The following TCOF1 variants were observed in gnomAD, a reference collection of about 807,000 sequenced individuals.
The protein encoded by TCOF1 is treacle protein.
In TCOF1, 33 loss-of-function variants were observed where a neutral mutation model predicts 149.0. That is an observed-to-expected ratio of 0.22 (90% CI 0.17 to 0.30). TCOF1 has a LOEUF of 0.30. Ranked by LOEUF, TCOF1 falls within the 10% of genes least tolerant of loss-of-function variation. The probability of loss-of-function intolerance (pLI) is 1.00; values close to 1 mark genes in which losing one functional copy is unlikely to be tolerated. For synonymous variants in TCOF1, 789 were observed against 738.8 expected, an observed-to-expected ratio of 1.07 and a Z score of -1.10; for missense variants, 1,728 against 1,840.7, an observed-to-expected ratio of 0.94 and a Z score of 1.12.
rs781062406 is a variant in TCOF1, at chr5:150,378,978, C to A, written c.2414C>A (p.Thr805Lys). The A allele has an allele frequency of 1.2e-6, 2 of 1,614,014 alleles. No homozygotes were observed. Among genetic ancestry groups the A allele is most frequent in the African/African-American group, 1.3e-5 (1 of 74,900 alleles). ...AAARAPSAKG[T>K]ISAPGKVVTA... ...GCCAGAGCACCTTCAGCAAAAGGGA[C>A]AATTTCAGCCCCTGGAAAAGTTGTC... Residue 805 changes from threonine to lysine, a missense_variant, in exon 15 of 27, where the codon ACA (threonine) becomes AAA (lysine). By Grantham distance (78) the Thr-to-Lys change is moderately conservative (BLOSUM62 -1). This residue lies in a region of TCOF1 where 1,696 missense variants were observed against 1,765.4 expected (regional missense o/e 0.96). Coordinates refer to ENST00000643257, the MANE Select transcript of TCOF1 (RefSeq NM_001371623.1).
intron 1 of TCOF1, among the ~76,000 whole-genome samples, chr5:150,358,740 G>A (rs1759274997): frequency 6.6e-6 from 1 of 152,198 alleles, no homozygotes; most frequent in African/African-American, 2.4e-5. Context: ...ATGTGGCTGA[G>A]GCACAAGAAT....
Position 150,396,734 on chromosome 5 carries a change from G to A in TCOF1, c.4237G>A (p.Gly1413Arg), listed in dbSNP as rs1344865869. Residue 1413 changes from glycine (G) to arginine (R), a missense_variant, in exon 24 of 27, where the codon GGG becomes AGG. By Grantham distance (125) the Gly-to-Arg change is moderately radical. Coordinates refer to ENST00000643257, the MANE Select transcript of TCOF1 (RefSeq NM_001371623.1). ...KKGKGSLGSQGAKDEPEEELQ... is the reference protein window; with the variant it reads ...KKGKGSLGSQRAKDEPEEELQ... Reference sequence around the variant, plus strand: ...AGGGAAGGGGTCTCTTGGCTCCCAAGGGGCCAAGGACGAGCCAGAAGAGGA... The same window carrying A: ...AGGGAAGGGGTCTCTTGGCTCCCAAAGGGCCAAGGACGAGCCAGAAGAGGA... 2 of 1,612,362 alleles carry A rather than the reference G, an allele frequency of 1.2e-6. No homozygotes were observed. The highest frequency in any genetic ancestry group is 1.7e-5 in the Admixed American group (1 of 59,832).
chr5:150,393,682 AC>A, intron 23 of TCOF1, 130 bp downstream of exon 23: 1 of 1,268,940 alleles, frequency 7.9e-7, no homozygotes, highest in Non-Finnish European at 1.1e-6. Flanking sequence ...TCCAAGTGAG[AC>A]CTTGTGGCCT....
intron 17 of TCOF1, 117 bp downstream of exon 17, chr5:150,379,849 A>G (rs567872922): frequency 1.1e-5 from 14 of 1,297,840 alleles, no homozygotes; most frequent in Admixed American, 9.9e-5. Flanking sequence ...AGGCAGATGT[A>G]TCACTTGAGG....
In TCOF1 at chr5:150,387,750, G is replaced by A. The variant is rs1766574701; in HGVS notation, c.2860-152G>A. ...CTTAGCAGATGTGTGGGGTGGGAGGGGGCACCCTGGGCAGCTGGAATGGCT... is the reference window on the plus strand; with the variant it reads ...CTTAGCAGATGTGTGGGGTGGGAGGAGGCACCCTGGGCAGCTGGAATGGCT... On this transcript the variant is annotated intron_variant, in intron 17 of 26. Transcript: ENST00000643257. The A allele has an allele frequency of 3.9e-6, 4 of 1,030,534 alleles. No homozygotes were observed. In the Admixed American group the frequency reaches 6.7e-5, roughly 17 times the overall value. The allele number at this position is 1,030,534 out of a possible 1,614,324, so 63.8% of individuals were successfully genotyped here. A position where few individuals can be genotyped will look rare whatever the true frequency, so the allele number is the denominator to read the frequency against.
chr5:150,398,466 G>T lies in TCOF1; in HGVS notation c.4443+15G>T. Reference sequence around the variant, plus strand: ...AGAAGAAAAAGGTAGAGAGTTCCTGGGGTGTCTCAGGCCAGAAAACAGACC... The same window carrying T: ...AGAAGAAAAAGGTAGAGAGTTCCTGTGGTGTCTCAGGCCAGAAAACAGACC... On this transcript the variant is annotated intron_variant, in intron 25 of 26. Coordinates refer to ENST00000643257, the MANE Select transcript of TCOF1 (RefSeq NM_001371623.1). 6.2e-7 allele frequency: 1 copy of T among 1,613,988 alleles called. No homozygotes were observed. The highest frequency in any genetic ancestry group is 8.5e-7 in the Non-Finnish European group (1 of 1,179,948).
intron 4 of TCOF1, 85 bp downstream of exon 4, chr5:150,368,002 G>T: frequency 1.3e-6 from 2 of 1,488,288 alleles, no homozygotes; most frequent in Non-Finnish European, 1.9e-6. Context: ...AGAAGGATAG[G>T]GTTGTGAGTA....
rs1763537087 is a variant in TCOF1 at position 150,375,418 on chromosome 5, C to A, written c.1568C>A (p.Pro523Gln). Reference protein sequence around the residue: ...GMGPLGKGAGPVPPGKVGPAT... With the variant: ...GMGPLGKGAGQVPPGKVGPAT... Reference sequence around the variant, plus strand: ...GGGCCCTTGGGGAAAGGCGCCGGCCCAGTGCCACCCGGGAAGGTGGGGCCT... The same window carrying A: ...GGGCCCTTGGGGAAAGGCGCCGGCCAAGTGCCACCCGGGAAGGTGGGGCCT... The change falls in exon 11 of 27, where the codon CCA (proline) becomes CAA (glutamine). Residue 523 changes from proline (P) to glutamine (Q), a missense_variant. By Grantham distance (76) the Pro-to-Gln change is moderately conservative (BLOSUM62 -1). Around this residue, in one of 2 missense-constraint regions of TCOF1, gnomAD observed 1,696 missense variants for 1,765.4 expected, o/e 0.96. Coordinates refer to ENST00000643257, the MANE Select transcript of TCOF1 (RefSeq NM_001371623.1). 1 of 1,613,416 alleles carries A rather than the reference C, an allele frequency of 6.2e-7. No individual in the cohort carries two copies. The highest frequency in any genetic ancestry group is 1.7e-5 in the Admixed American group (1 of 60,020).
chr5:150,370,702 CGCACCTGTAAGTGCA>C (rs1317671541), intron 6 of TCOF1, among the ~76,000 whole-genome samples: 1 of 152,066 alleles, frequency 6.6e-6, no homozygotes. Context: ...CACGGTGGCT[CGCACCTGTAAGTGCA>C]GCACTCTGGG....
intron 1 of TCOF1, among the ~76,000 whole-genome samples, chr5:150,358,626 C>T (rs925784332): frequency 6.6e-6 from 1 of 152,196 alleles, no homozygotes; most frequent in South Asian, 2.1e-4. Flanking sequence ...CACCTGAGGT[C>T]AGAAGTTCGA....
In TCOF1 at chr5:150,374,801, C is replaced by T. The variant is rs765637297; in HGVS notation, c.1268C>T (p.Ala423Val). ...GAGGAATCGGACAGTGAGGAGGAGG[C>T]GCCTGCTCAGGTGAGGCAGAGGGGA... Reference protein sequence around the residue: ...SSEESDSEEEAPAQAKPSGKA... With the variant: ...SSEESDSEEEVPAQAKPSGKA... Residue 423 changes from alanine to valine, a missense_variant, in exon 9 of 27, where the codon GCG becomes GTG. Physicochemically the swap from Ala to Val is moderately conservative, Grantham distance 64. Coordinates refer to ENST00000643257, the MANE Select transcript of TCOF1 (RefSeq NM_001371623.1). 12 of 1,609,010 alleles carry T rather than the reference C, an allele frequency of 7.5e-6. No individual in the cohort carries two copies. In the African/African-American group the frequency reaches 1.2e-4, roughly 16 times the overall value.
At chr5:150,367,979 T>C in intron 4 of TCOF1, 62 bp downstream of exon 4, 2 of 1,573,148 alleles carry the variant, frequency 1.3e-6, no homozygotes, top group Middle Eastern at 1.7e-4. Flanking sequence ...TAGGGGACAG[T>C]CTTACATGTC....
chr5:150,375,548 G>A lies in TCOF1; in HGVS notation c.1698G>A (p.Pro566=), dbSNP rs148745614. 1.4e-5 allele frequency: 23 copies of A among 1,613,754 alleles called. No homozygotes were observed. Among genetic ancestry groups the A allele is most frequent in the African/African-American group, 1.1e-4 (8 of 74,842 alleles). The change falls in exon 11 of 27, where the codon CCG becomes CCA. Residue 566 remains proline, a synonymous_variant. Coordinates refer to ENST00000643257, the MANE Select transcript of TCOF1 (RefSeq NM_001371623.1). ...SDGEVPTAVA[P]AQEKSLGNIL... is the part of the protein sequence containing the mutation. ...GAGAGGTGCCCACAGCTGTGGCCCC[G>A]GCTCAGGTGAGGCCCCTTCCTGTAA...
rs1769020801 is a variant in TCOF1 at position 150,398,359 on chromosome 5, A to G, written c.4351A>G (p.Lys1451Glu). Residue 1451 changes from lysine (K) to glutamate (E), a missense_variant, in exon 25 of 27, where the codon AAA becomes GAA. Coordinates refer to ENST00000643257, the MANE Select transcript of TCOF1 (RefSeq NM_001371623.1). Reference sequence around the variant, plus strand: ...CTTTACTTTACTTCCCTTAGGAAAAAAAGACAAAGAAAAAAAAGAAAAGAA... The same window carrying G: ...CTTTACTTTACTTCCCTTAGGAAAAGAAGACAAAGAAAAAAAAGAAAAGAA... The part of the protein sequence containing the change: ...KEKKKSDKRK[K>E]DKEKKEKKKK... 3.7e-6 allele frequency: 6 copies of G among 1,613,778 alleles called. No individual in the cohort carries two copies. Among genetic ancestry groups the G allele is most frequent in the Non-Finnish European group, 5.1e-6 (6 of 1,179,954 alleles).
intron 25 of TCOF1, among the ~76,000 whole-genome samples, 187 bp downstream of exon 25, chr5:150,398,638 G>A (rs1253847211): frequency 6.6e-6 from 1 of 152,162 alleles, no homozygotes; most frequent in African/African-American, 2.4e-5. Context: ...CCGTAGAAGT[G>A]GCCTGCCGGA....
chr5:150,388,803 C>T (rs772674701), intron 18 of TCOF1, among the ~76,000 whole-genome samples: 10 of 152,092 alleles, frequency 6.6e-5, no homozygotes, highest in Middle Eastern at 3.4e-3. Context: ...GCCTGGCGGG[C>T]GCCTGTAATC....
At chr5:150,392,498 T>G in intron 21 of TCOF1, 1 of 620,510 alleles carries the variant, frequency 1.6e-6, no homozygotes, top group Non-Finnish European at 2.9e-6. Context: ...GAAATAAGGC[T>G]TTGGCATTCA....
Position 150,396,348 on chromosome 5 carries a change from A to G in TCOF1, c.3851A>G (p.Asn1284Ser). 1 of 1,613,804 alleles carries G rather than the reference A, an allele frequency of 6.2e-7. No homozygotes were observed. Residue 1284 changes from asparagine to serine, a missense_variant, in exon 24 of 27, where the codon AAC becomes AGC. Physicochemically the swap from Asn to Ser is conservative, Grantham distance 46. This residue lies in a region of TCOF1 where 1,696 missense variants were observed against 1,765.4 expected (regional missense o/e 0.96). Transcript: ENST00000643257. ...KSRKPKKGAG[N>S]PQASTLALQS... Reference sequence around the variant, plus strand: ...CGGAAGCCCAAGAAAGGGGCTGGGAACCCCCAAGCCTCAACCCTGGCGCTG... The same window carrying G: ...CGGAAGCCCAAGAAAGGGGCTGGGAGCCCCCAAGCCTCAACCCTGGCGCTG...
intron 18 of TCOF1, 134 bp downstream of exon 18, chr5:150,388,222 G>A: frequency 2.5e-6 from 3 of 1,190,540 alleles, no homozygotes; most frequent in South Asian, 1.4e-5. Context: ...AGGTCTCTGG[G>A]CCCTGCATTA....
Sources: allele counts gnomAD v4.1 joint callset (sites outside exome capture counted in the v4.1 genomes callset), GRCh38; gene constraint gnomAD v4.1.1; regional missense constraint gnomAD v4.1.1; transcripts MANE v1.5; gene names NCBI Gene and HGNC (gene_info 2026-07-23, HGNC 2026-07-21).